The following PCSK5 variants were observed in gnomAD, a reference collection of about 807,000 sequenced individuals.
PCSK5 encodes prohormone convertase 5.
PCSK5 carries 129 observed loss-of-function variants against 233.2 expected under a neutral mutation model. The ratio of observed to expected loss-of-function variants is 0.55; its 90% CI spans 0.48 to 0.64. PCSK5 has a LOEUF of 0.64. Among genes scored for constraint, PCSK5 ranks in the 30% least tolerant of loss-of-function variants. The pLI is 0.00. For synonymous variants in PCSK5, 825 were observed against 879.2 expected (o/e 0.94, Z 1.09); for missense variants, 2,076 against 2,430.1 (o/e 0.85, Z 3.06).
intron 24 of PCSK5, among the ~76,000 whole-genome samples, chr9:76,241,883 A>G (rs375045576): frequency 1.3e-5 from 2 of 152,200 alleles, no homozygotes; most frequent in South Asian, 2.1e-4. Context: ...TAAAACTTCA[A>G]CGTGGGCACA....
intron 5 of PCSK5, among the ~76,000 whole-genome samples, chr9:76,034,161 C>T (rs1828759408): frequency 6.6e-6 from 1 of 151,910 alleles, no homozygotes; most frequent in South Asian, 2.1e-4. Flanking sequence ...AGCCAGCCAT[C>T]CCTTCCCCTT....
rs547770848 is a variant in PCSK5 at position 76,044,134 on chromosome 9, A to G, written c.632+17097A>G. ...ATTAAGGTTAAGCCTCTTAAATAGC[A>G]TAAGCAGAAATAAGGAAACAAATCA... On this transcript the variant is annotated intron_variant, in intron 5 of 37. Transcript: ENST00000674117. Among the ~76,000 whole-genome samples the G allele has an allele frequency of 7.2e-5, 11 of 152,350 alleles. No homozygotes were observed. In the East Asian group the frequency reaches 2.1e-3, roughly 29 times the overall value.
intron 10 of PCSK5, among the ~76,000 whole-genome samples, chr9:76,134,488 GT>G (rs1259467139): frequency 6.6e-6 from 1 of 151,822 alleles, no homozygotes; most frequent in Non-Finnish European, 1.5e-5. Flanking sequence ...CCCCTGATTA[GT>G]TTACTATTTG....
chr9:76,254,973 G>C (rs888947998), intron 24 of PCSK5, among the ~76,000 whole-genome samples: 9 of 152,180 alleles, frequency 5.9e-5, no homozygotes, highest in African/African-American at 1.9e-4. Flanking sequence ...CTGGAGTGAG[G>C]TGTGGGCATC....
At chr9:75,894,752 C>G (rs1002593536) in intron 1 of PCSK5, among the ~76,000 whole-genome samples, 1 of 152,122 alleles carries the variant, frequency 6.6e-6, no homozygotes, top group Non-Finnish European at 1.5e-5. Flanking sequence ...GTGTGCATGC[C>G]TATTGACCTG....
intron 1 of PCSK5, among the ~76,000 whole-genome samples, chr9:75,926,777 T>G (rs1406443357): frequency 2.0e-5 from 3 of 152,240 alleles, no homozygotes; most frequent in African/African-American, 7.2e-5. Flanking sequence ...CTGGGTATCA[T>G]TCTATTATAT....
chr9:75,891,102 C>G lies in PCSK5; in HGVS notation c.-80C>G. 7.7e-7 allele frequency: 1 copy of G among 1,292,742 alleles called. No individual in the cohort carries two copies. Among genetic ancestry groups the G allele is most frequent in the Non-Finnish European group, 1.0e-6 (1 of 1,004,760 alleles). 80.1% of individuals were successfully genotyped at this position (1,292,742 alleles called of 1,614,324 possible). A position where few individuals can be genotyped will look rare whatever the true frequency, so the allele number is the denominator to read the frequency against. On this transcript the variant is annotated 5_prime_UTR_variant, in exon 1 of 38. Coordinates refer to ENST00000674117, the MANE Select transcript of PCSK5 (RefSeq NM_001372043.1). ...GCCCGGGGCTGCTCGCCGGGCGGCG[C>G]AGGCCGGAGAAGTTAGTTGTGCGCG...
At chr9:76,220,213 T>C (rs1006059139) in intron 20 of PCSK5, among the ~76,000 whole-genome samples, 1 of 152,182 alleles carries the variant, frequency 6.6e-6, no homozygotes, top group Non-Finnish European at 1.5e-5. Flanking sequence ...GTAAATTTAT[T>C]TTGTTTAACT....
intron 35 of PCSK5, among the ~76,000 whole-genome samples, chr9:76,346,821 GA>G: frequency 6.6e-6 from 1 of 152,002 alleles, no homozygotes; most frequent in East Asian, 1.9e-4. Context: ...GAAAGAATCA[GA>G]AAAAATTTAG....
At chr9:76,164,433 C>T (rs1037787591) in intron 12 of PCSK5, among the ~76,000 whole-genome samples, 2 of 152,174 alleles carry the variant, frequency 1.3e-5, no homozygotes, top group Non-Finnish European at 2.9e-5. Context: ...ATTAAGATCA[C>T]GTACAGTTAC....
chr9:76,358,480 C>T (rs374431164), intron 37 of PCSK5, 33 bp from the exon 38 acceptor site: 22 of 1,564,358 alleles, frequency 1.4e-5, no homozygotes, highest in Middle Eastern at 3.4e-4. Context: ...CTTTTTCCCT[C>T]TTGCCTCTTC....
chr9:76,055,089 G>A (rs745579202), intron 5 of PCSK5, among the ~76,000 whole-genome samples: 3 of 151,886 alleles, frequency 2.0e-5, no homozygotes, highest in African/African-American at 4.8e-5. Context: ...CATTATTCCC[G>A]ATGGCCAAAA....
Position 76,188,292 on chromosome 9 carries a change from G to A in PCSK5, c.2283-286G>A, listed in dbSNP as rs1564092409. Among the ~76,000 whole-genome samples the A allele has an allele frequency of 2.7e-5, 4 of 149,456 alleles. No individual in the cohort carries two copies. In the Admixed American group the frequency reaches 2.7e-4, roughly 10 times the overall value. On this transcript the variant is annotated intron_variant, in intron 17 of 37. Coordinates refer to ENST00000674117, the MANE Select transcript of PCSK5 (RefSeq NM_001372043.1). ...TAAAACCTCTGGGTTGTAAGATGTT[G>A]CGCAAAGTAGGAGTGTGCCCATCAG...
At chr9:75,975,927 G>A (rs552666691) in intron 2 of PCSK5, among the ~76,000 whole-genome samples, 7 of 152,164 alleles carry the variant, frequency 4.6e-5, no homozygotes, top group African/African-American at 1.7e-4. Flanking sequence ...AGTGAAGCTG[G>A]GGGGAATTCT....
At chr9:76,171,555 A>G (rs1564077889) in intron 13 of PCSK5, among the ~76,000 whole-genome samples, 1 of 152,232 alleles carries the variant, frequency 6.6e-6, no homozygotes, top group Non-Finnish European at 1.5e-5. Context: ...CTGGTTAACC[A>G]TGCATTGCAT....
At chr9:75,942,095 G>A (rs1471139145) in intron 2 of PCSK5, among the ~76,000 whole-genome samples, 1 of 152,224 alleles carries the variant, frequency 6.6e-6, no homozygotes, top group Non-Finnish European at 1.5e-5. Flanking sequence ...GAAGGGCCAG[G>A]CAGGAGCTCA....
chr9:76,263,090 A>T (rs547891172), intron 24 of PCSK5, among the ~76,000 whole-genome samples: 47 of 152,106 alleles, frequency 3.1e-4, no homozygotes, highest in African/African-American at 1.1e-3. Context: ...ATCATCTCAC[A>T]CCAGTTAGAA....
At chr9:76,329,601 G>A (rs1441876999) in intron 33 of PCSK5, among the ~76,000 whole-genome samples, 3 of 152,124 alleles carry the variant, frequency 2.0e-5, no homozygotes, top group African/African-American at 7.2e-5. Context: ...TTGGGAGGCT[G>A]AGGTGGGCAG....
intron 2 of PCSK5, among the ~76,000 whole-genome samples, chr9:75,983,100 A>G (rs1826350723): frequency 6.6e-6 from 1 of 151,964 alleles, no homozygotes; most frequent in African/African-American, 2.4e-5. Flanking sequence ...CAATTTCTTG[A>G]CTTTCTATGC....
Sources: allele counts gnomAD v4.1 joint callset (sites outside exome capture counted in the v4.1 genomes callset), GRCh38; gene constraint gnomAD v4.1.1; transcripts MANE v1.5; gene names NCBI Gene and HGNC (gene_info 2026-07-23, HGNC 2026-07-21).